Variants in SIK3 observed in about 807,000 individuals in gnomAD.
SIK3 encodes the protein SIK family kinase 3, also known as serine/threonine-protein kinase SIK3.
Under a neutral mutation model 144.2 loss-of-function variants are expected in SIK3, and 28 were observed. The ratio of observed to expected loss-of-function variants is 0.19; its 90% CI spans 0.14 to 0.27. The LOEUF is 0.27. SIK3 is among the 10% of genes least tolerant of loss of function. The pLI, the probability that SIK3 is intolerant of heterozygous loss-of-function variation, is 1.00. For synonymous variants in SIK3, 686 were observed against 676.3 expected (o/e 1.01, Z -0.22); for missense variants, 1,319 against 1,776.0 (o/e 0.74, Z 4.62).
intron 1 of SIK3, among the ~76,000 whole-genome samples, chr11:117,048,068 T>C (rs905868132): frequency 2.0e-5 from 3 of 152,152 alleles, no homozygotes; most frequent in African/African-American, 7.2e-5. Flanking sequence ...TATTCAGACA[T>C]GGAAATACGA....
chr11:117,098,068 A>AC (rs1275841020), intron 1 of SIK3, 75 bp downstream of exon 1: 15 of 1,195,864 alleles, frequency 1.3e-5, no homozygotes, highest in Non-Finnish European at 1.4e-5. Flanking sequence ...CGCCGCCCCG[A>AC]CCCCCCGGCT....
chr11:116,975,937 A>T (rs1034529324), intron 1 of SIK3, among the ~76,000 whole-genome samples: 2 of 152,106 alleles, frequency 1.3e-5, no homozygotes, highest in Non-Finnish European at 2.9e-5. Context: ...CTCATTGAGG[A>T]TTTCATTTGC....
intron 1 of SIK3, among the ~76,000 whole-genome samples, chr11:117,087,431 A>G (rs553049858): frequency 6.6e-6 from 1 of 150,880 alleles, no homozygotes; most frequent in South Asian, 2.1e-4. Flanking sequence ...TGACAGAGCA[A>G]GACTCTGCCT....
intron 1 of SIK3, among the ~76,000 whole-genome samples, chr11:117,083,085 G>A (rs955662394): frequency 2.7e-4 from 41 of 152,158 alleles, no homozygotes; most frequent in African/African-American, 5.3e-4. Context: ...AAATGGATGC[G>A]TGGCCTAAAA....
At chr11:117,082,441 C>G (rs1954829978) in intron 1 of SIK3, among the ~76,000 whole-genome samples, 1 of 152,020 alleles carries the variant, frequency 6.6e-6, no homozygotes, top group African/African-American at 2.4e-5. Flanking sequence ...TATTATTCAG[C>G]CATAAAAAAA....
chr11:117,061,027 G>A (rs991910071), intron 1 of SIK3, among the ~76,000 whole-genome samples: 17 of 152,248 alleles, frequency 1.1e-4, no homozygotes, highest in Middle Eastern at 3.4e-3. Flanking sequence ...TGAAGGGATC[G>A]CTTGAGGCCA....
rs117158703 is a variant in SIK3 at position 117,026,357 on chromosome 11, C to T, written c.274-69293G>A. ...TATGATGTTCCCACAAGGAAACAAT[C>T]ACCTAATGATGCATTTCTCAGAATG... On this transcript the variant is annotated intron_variant, in intron 1 of 24. Transcript: ENST00000445177. 9.5e-3 allele frequency among the ~76,000 whole-genome samples: 1,442 copies of T among 152,274 alleles called. 14 individuals carry two copies. The highest frequency in any genetic ancestry group is 0.016 in the Non-Finnish European group (1,075 of 68,022).
rs1944255103 is a variant in SIK3 at position 116,876,370 on chromosome 11, C to T, written c.985-7G>A. 6.2e-7 allele frequency: 1 copy of T among 1,608,770 alleles called. No individual in the cohort carries two copies. Among genetic ancestry groups the T allele is most frequent in the Non-Finnish European group, 8.5e-7 (1 of 1,175,354 alleles). ...GTTGGCATTCAGCTATTAACTGTAA[C>T]ATAAAAAGGAGGAAGCTGTCAACCC... On this transcript the variant is annotated splice_region_variant and splice_polypyrimidine_tract_variant and intron_variant, in intron 7 of 24. Coordinates refer to ENST00000445177, the MANE Select transcript of SIK3 (RefSeq NM_001366686.3).
At chr11:116,885,894 A>G (rs1240689926) in intron 6 of SIK3, among the ~76,000 whole-genome samples, 1 of 152,228 alleles carries the variant, frequency 6.6e-6, no homozygotes, top group East Asian at 1.9e-4. Flanking sequence ...AGTTTACCTC[A>G]TAAAACAGCT....
At chr11:116,885,620 A>C (rs1454943927) in intron 6 of SIK3, among the ~76,000 whole-genome samples, 2 of 152,338 alleles carry the variant, frequency 1.3e-5, no homozygotes, top group African/African-American at 4.8e-5. Context: ...CTCCAGGTCC[A>C]ATACAGAGTT....
At chr11:117,056,737 C>T (rs1296322232) in intron 1 of SIK3, among the ~76,000 whole-genome samples, 3 of 152,060 alleles carry the variant, frequency 2.0e-5, no homozygotes, top group African/African-American at 7.2e-5. Flanking sequence ...TTCAAATATG[C>T]CCATCTTTTG....
chr11:117,075,642 C>T (rs1245622541), intron 1 of SIK3, among the ~76,000 whole-genome samples: 7 of 145,120 alleles, frequency 4.8e-5, no homozygotes, highest in African/African-American at 1.0e-4. Flanking sequence ...CCCAGGTTCA[C>T]GCCATTCTCC....
intron 1 of SIK3, among the ~76,000 whole-genome samples, chr11:117,025,113 C>G (rs574485307): frequency 3.3e-5 from 5 of 152,248 alleles, no homozygotes; most frequent in African/African-American, 1.2e-4. Context: ...CAACTACTAC[C>G]TCACTCAGTG....
chr11:117,058,194 G>A (rs1953627286), intron 1 of SIK3, among the ~76,000 whole-genome samples: 1 of 152,212 alleles, frequency 6.6e-6, no homozygotes, highest in African/African-American at 2.4e-5. Context: ...CAGAGATGAG[G>A]CTAGAAAACC....
intron 6 of SIK3, among the ~76,000 whole-genome samples, chr11:116,885,991 T>C (rs1944797258): frequency 2.6e-5 from 4 of 152,236 alleles, no homozygotes; most frequent in Admixed American, 2.6e-4. Flanking sequence ...TTGACTATTA[T>C]CCATATCTCT....
At chr11:117,036,262 T>G (rs925199028) in intron 1 of SIK3, among the ~76,000 whole-genome samples, 1 of 152,012 alleles carries the variant, frequency 6.6e-6, no homozygotes, top group Non-Finnish European at 1.5e-5. Context: ...TAGTTTCTCA[T>G]AGTAACGTAA....
intron 1 of SIK3, among the ~76,000 whole-genome samples, chr11:117,069,639 CTTAATTT>C (rs1954178103): frequency 6.6e-6 from 1 of 152,156 alleles, no homozygotes; most frequent in Non-Finnish European, 1.5e-5. Flanking sequence ...TACTTACCTT[CTTAATTT>C]TTAAGTGTAG....
At chr11:116,947,529 ATATATGTATGTATG>A (rs1565487904) in intron 3 of SIK3, among the ~76,000 whole-genome samples, 2 of 109,254 alleles carry the variant, frequency 1.8e-5, no homozygotes, top group African/African-American at 6.7e-5. Context: ...ATATATATAT[ATATATGTATGTATG>A]TATGTATGTA....
intron 1 of SIK3, among the ~76,000 whole-genome samples, chr11:117,071,201 AT>A (rs1234252185): frequency 6.6e-6 from 1 of 151,982 alleles, no homozygotes; most frequent in Non-Finnish European, 1.5e-5. Flanking sequence ...AAAAAAAAAA[AT>A]AACATGACAG....
Sources: gnomAD v4.1 joint callset for allele counts (sites outside exome capture counted in the v4.1 genomes callset) on GRCh38, gnomAD v4.1.1 for gene constraint, MANE v1.5 for transcripts, NCBI Gene and HGNC (gene_info 2026-07-23, HGNC 2026-07-21) for gene names.